KCNT1: variants seen among roughly 807,000 people sequenced by gnomAD.
The protein encoded by KCNT1 is potassium sodium-activated channel subfamily T member 1.
A neutral mutation model predicts 147.8 loss-of-function variants in KCNT1; 78 were observed. The ratio of observed to expected loss-of-function variants is 0.53; its 90% CI spans 0.44 to 0.64. The LOEUF is 0.64. KCNT1 is among the 30% of genes least tolerant of loss of function. KCNT1 has a pLI of 0.00. For missense variants in KCNT1, 1,419 were observed against 1,750.3 expected, an observed-to-expected ratio of 0.81 and a Z score of 3.38; for synonymous variants, 867 against 748.8, an observed-to-expected ratio of 1.16 and a Z score of -2.58.
chr9:135,745,681 G>A (rs1359502498), intron 2 of KCNT1, among the ~76,000 whole-genome samples: 1 of 152,240 alleles, frequency 6.6e-6, no homozygotes, highest in South Asian at 2.1e-4. Flanking sequence ...CTGTCCTCGG[G>A]ACACGCCGGG....
intron 2 of KCNT1, among the ~76,000 whole-genome samples, chr9:135,725,805 T>G (rs998626203): frequency 6.6e-6 from 1 of 152,248 alleles, no homozygotes; most frequent in Admixed American, 6.5e-5. Flanking sequence ...CCCGTCCTTT[T>G]GCTGGGCGGT....
intron 29 of KCNT1, chr9:135,791,299 A>G (rs2131602057): frequency 5.8e-6 from 1 of 172,724 alleles, no homozygotes; most frequent in Non-Finnish European, 1.2e-5. Flanking sequence ...GTGAGTGTGC[A>G]GGGGTCTGTG....
chr9:135,742,227 G>A (rs1359337849), intron 2 of KCNT1, among the ~76,000 whole-genome samples: 1 of 152,238 alleles, frequency 6.6e-6, no homozygotes, highest in African/African-American at 2.4e-5. Flanking sequence ...CGCTGGTCTG[G>A]GTGTAGGGCA....
rs1318366998 is a variant in KCNT1, at chr9:135,770,445, GAAGT to G, written c.1769+2_1769+5del. On this transcript the variant is annotated splice_donor_variant and coding_sequence_variant, in exon 17 of 31. Transcript: ENST00000371757. LOFTEE classifies it high-confidence loss of function. ...CCTACGCGGCCTTCCACGCCCACAA[GAAGT>G]AAGGCCGGGCTGCATCCACAGGGCT... 1 of 1,610,486 alleles carries G rather than the reference GAAGT, an allele frequency of 6.2e-7. No individual in the cohort carries two copies.
Position 135,752,940 on chromosome 9 carries a change from T to C in KCNT1, c.435-997T>C, listed in dbSNP as rs369671564. ...GATGATGGATGGATGGATGGACAGA[T>C]AAGTAGATGGATAGATGGATGAGTG... is the stretch of plus-strand genomic sequence containing the variant. On this transcript the variant is annotated intron_variant, in intron 4 of 30. Transcript: ENST00000371757. The surrounding 1 kb of genome is among the most constrained non-coding windows in gnomAD (Gnocchi z 5.1). Among the ~76,000 whole-genome samples, 5 of 148,484 alleles carry C rather than the reference T, an allele frequency of 3.4e-5. No individual in the cohort carries two copies. The highest frequency in any genetic ancestry group is 1.3e-4 in the African/African-American group (5 of 39,744).
In KCNT1 at chr9:135,770,963, A is replaced by G. The variant is rs1447648737; in HGVS notation, c.1876A>G (p.Asn626Asp). 1 of 1,613,886 alleles carries G rather than the reference A, an allele frequency of 6.2e-7. No homozygotes were observed. The highest frequency in any genetic ancestry group is 1.7e-5 in the Admixed American group (1 of 60,006). ...LAASDTCFYI[N>D]ITKEENSAFI... ...CGCCTCTGACACCTGCTTCTACATC[A>G]ACATCACCAAGGAGGAGAACTCGGC... The change falls in exon 18 of 31, where the codon AAC becomes GAC. Residue 626 changes from asparagine to aspartate, a missense_variant. Physicochemically the swap from Asn to Asp is conservative, Grantham distance 23 (BLOSUM62 1). Transcript: ENST00000371757.
At chr9:135,763,407 G>A (rs1473722367) in intron 11 of KCNT1, among the ~76,000 whole-genome samples, 9 of 152,246 alleles carry the variant, frequency 5.9e-5, no homozygotes, top group Non-Finnish European at 1.2e-4. Context: ...CAGCAGCGCC[G>A]GCTGGGTCTC....
chr9:135,739,305 C>T (rs1035204542), intron 2 of KCNT1, among the ~76,000 whole-genome samples: 4 of 152,126 alleles, frequency 2.6e-5, no homozygotes, highest in African/African-American at 4.8e-5. Flanking sequence ...GTCCAGTTCT[C>T]CTGCCACTGT....
intron 2 of KCNT1, among the ~76,000 whole-genome samples, chr9:135,749,087 T>C (rs1336825581): frequency 6.6e-6 from 1 of 152,220 alleles, no homozygotes; most frequent in East Asian, 1.9e-4. Context: ...TGCTCCTGTC[T>C]GTCCTGCAGG....
chr9:135,777,580 A>C, intron 21 of KCNT1, 70 bp downstream of exon 21: 3 of 1,427,204 alleles, frequency 2.1e-6, no homozygotes, highest in Non-Finnish European at 2.9e-6. Flanking sequence ...AGCCTCCCCA[A>C]CTGGGCCCAC....
intron 1 of KCNT1, among the ~76,000 whole-genome samples, chr9:135,711,893 G>C (rs575908059): frequency 6.6e-6 from 1 of 152,198 alleles, no homozygotes; most frequent in Non-Finnish European, 1.5e-5. Flanking sequence ...GCCCTGTTCC[G>C]CGTGCCTCAG....
At chr9:135,777,549 GC>G in intron 21 of KCNT1, 39 bp downstream of exon 21, 1 of 1,573,398 alleles carries the variant, frequency 6.4e-7, no homozygotes, top group Non-Finnish European at 8.6e-7. Context: ...GCCCACCCGG[GC>G]CCTCAGACCT....
chr9:135,765,537 G>A (rs1832205250), intron 12 of KCNT1, 87 bp from the exon 13 acceptor site: 2 of 1,400,746 alleles, frequency 1.4e-6, no homozygotes, highest in Non-Finnish European at 9.8e-7. Flanking sequence ...CCCAGAGGTG[G>A]TGGGCACAAA....
At position 135,753,213 on chromosome 9, in the gene KCNT1, T is replaced by G. The variant is rs1041606187; in HGVS notation, c.435-724T>G. Among the ~76,000 whole-genome samples, 3 of 152,016 alleles carry G rather than the reference T, an allele frequency of 2.0e-5. No individual in the cohort carries two copies. The South Asian group carries it at 6.2e-4, about 32-fold the overall frequency. ...ATGTCCAGATACTTCTGTGGGCACT[T>G]AGTTTGCAACAACCCCATTAAAAAT... On this transcript the variant is annotated intron_variant, in intron 4 of 30. Transcript: ENST00000371757.
chr9:135,791,544 A>C (rs566928850), intron 29 of KCNT1: 18 of 507,604 alleles, frequency 3.5e-5, no homozygotes, highest in Non-Finnish European at 5.7e-5. Context: ...GCCACCTAGC[A>C]CCAGAGGTGG....
intron 18 of KCNT1, among the ~76,000 whole-genome samples, chr9:135,771,926 C>G (rs908037627): frequency 1.3e-5 from 2 of 152,108 alleles, no homozygotes; most frequent in African/African-American, 4.8e-5. Context: ...CACGCCCACC[C>G]TGGGGTGTTG....
chr9:135,755,797 C>T (rs1197592181), intron 6 of KCNT1, among the ~76,000 whole-genome samples: 1 of 149,430 alleles, frequency 6.7e-6, no homozygotes, highest in East Asian at 2.0e-4. Context: ...TTTACTGACT[C>T]AGGCTCAGTA....
At chr9:135,772,657 C>T (rs1225812340) in intron 18 of KCNT1, 58 bp from the exon 19 acceptor site, 4 of 1,287,266 alleles carry the variant, frequency 3.1e-6, no homozygotes, top group Admixed American at 7.4e-5. Context: ...GCTCTGGGAA[C>T]TCGCCGCCCA....
chr9:135,766,732 C>T (rs929193446), intron 13 of KCNT1: 6 of 152,556 alleles, frequency 3.9e-5, no homozygotes, highest in African/African-American at 1.2e-4. Flanking sequence ...GCAGCCAGGC[C>T]CTTGTCCCTG....
Sources: gnomAD v4.1 joint callset for allele counts (sites outside exome capture counted in the v4.1 genomes callset) on GRCh38, gnomAD v4.1.1 for gene constraint, Gnocchi (gnomAD v3.1) non-coding constraint, MANE v1.5 for transcripts, NCBI Gene and HGNC (gene_info 2026-07-23, HGNC 2026-07-21) for gene names.